Variants in ZNF469 observed in about 807,000 individuals in gnomAD.
ZNF469 encodes the protein zinc finger protein 469.
A neutral mutation model predicts 1.0 loss-of-function variants in ZNF469; 1 was observed. That is an observed-to-expected ratio of 1.00 (90% CI 0.35 to 4.73). The LOEUF is 4.73. Among genes scored for constraint, ZNF469 ranks in the 30% most tolerant of loss-of-function variants. The pLI is 0.16. For synonymous variants in ZNF469, 2,703 were observed against 2,363.4 expected, an observed-to-expected ratio of 1.14 and a Z score of -4.17; for missense variants, 6,100 against 5,356.3, an observed-to-expected ratio of 1.14 and a Z score of -4.33.
chr16:88,313,430 T>A, the ZNF469 span, among the ~76,000 whole-genome samples: 1 of 152,258 alleles, frequency 6.6e-6, no homozygotes, highest in Non-Finnish European at 1.5e-5. Context: ...AAATGTTCAA[T>A]CCTAGTGAAT....
At chr16:88,265,080 C>A in the ZNF469 span, among the ~76,000 whole-genome samples, 1 of 151,982 alleles carries the variant, frequency 6.6e-6, no homozygotes, top group African/African-American at 2.4e-5. Flanking sequence ...CAGGTTTCGG[C>A]AGCTGCCACT....
At chr16:88,368,731 G>A in the ZNF469 span, among the ~76,000 whole-genome samples, 2 of 151,872 alleles carry the variant, frequency 1.3e-5, no homozygotes, top group Non-Finnish European at 2.9e-5. Flanking sequence ...CTGTGGCCTG[G>A]GAAAGTGTGG....
the ZNF469 span, among the ~76,000 whole-genome samples, chr16:88,350,312 A>G: frequency 1.3e-5 from 2 of 152,210 alleles, no homozygotes; most frequent in Non-Finnish European, 2.9e-5. Context: ...TGATCCACGC[A>G]GGGACCTGGA....
the ZNF469 span, among the ~76,000 whole-genome samples, chr16:88,144,351 C>T: frequency 7.2e-5 from 11 of 152,212 alleles, no homozygotes; most frequent in Non-Finnish European, 1.6e-4. Context: ...TAAAACAGGA[C>T]TCTGCCTGGC....
At position 88,431,813 on chromosome 16, in the gene ZNF469, C is replaced by CACT. The variant is rs1906205955; in HGVS notation, c.4343_4344insACT (p.Pro1448_Thr1449insLeu). On this transcript the variant is annotated inframe_insertion, in exon 3 of 3. Coordinates refer to ENST00000565624, the MANE Select transcript of ZNF469 (RefSeq NM_001367624.2). ...GAGCCAGGCAGGGCTGCATCGCCAC[C>CACT]GACCTTGGAGTCCTCATCCCTCTTC... 1 of 1,549,638 alleles carries CACT rather than the reference C, an allele frequency of 6.5e-7. No individual in the cohort carries two copies. The highest frequency in any genetic ancestry group is 8.7e-7 in the Non-Finnish European group (1 of 1,146,974).
At chr16:88,267,988 C>A in the ZNF469 span, among the ~76,000 whole-genome samples, 1 of 151,184 alleles carries the variant, frequency 6.6e-6, no homozygotes, top group African/African-American at 2.5e-5. Context: ...ACATTCTTAC[C>A]GGCTCCTGCC....
intron 1 of ZNF469, among the ~76,000 whole-genome samples, chr16:88,396,607 TCTGAAGGGAGGCCGGGAGGAGACCCTC>T (rs1567500049): frequency 1.8e-4 from 13 of 72,426 alleles, no homozygotes; most frequent in East Asian, 9.8e-4. Context: ...CGGAGACCCA[TCTGAAGGGAGGCCGGGAGGAGACCCTC>T]CTGAAGGGAG....
chr16:88,426,924 T>C (rs1200633490), intron 2 of ZNF469, among the ~76,000 whole-genome samples: 1 of 152,126 alleles, frequency 6.6e-6, no homozygotes, highest in African/African-American at 2.4e-5. Flanking sequence ...TGGGCCCTCC[T>C]GGACGCTGCC....
rs1375611455 is a variant in ZNF469, at chr16:88,439,283, A to G, written c.11813A>G (p.Gln3938Arg). 2 of 1,550,458 alleles carry G rather than the reference A, an allele frequency of 1.3e-6. No individual in the cohort carries two copies. The highest frequency in any genetic ancestry group is 2.4e-5 in the South Asian group (2 of 84,066). ...GACCTCCTCAGCCAGCTCTTCGGGC[A>G]GAGACTAACTGGCTTCAAAATCCCT... ...QSDLLSQLFG[Q>R]RLTGFKIPLK... Residue 3938 changes from glutamine to arginine, a missense_variant, in exon 3 of 3, where the codon CAG becomes CGG. By Grantham distance (43) the Gln-to-Arg change is conservative. Coordinates refer to ENST00000565624, the MANE Select transcript of ZNF469 (RefSeq NM_001367624.2).
At chr16:88,144,031 G>T in the ZNF469 span, among the ~76,000 whole-genome samples, 1 of 152,244 alleles carries the variant, frequency 6.6e-6, no homozygotes, top group Non-Finnish European at 1.5e-5. Flanking sequence ...GGGAAACGGC[G>T]CAGGGTCAGA....
At chr16:88,239,707 A>T in the ZNF469 span, among the ~76,000 whole-genome samples, 13 of 5,396 alleles carry the variant, frequency 2.4e-3, 1 homozygote, top group African/African-American at 0.015. Flanking sequence ...ATATATATAT[A>T]TATATATATT....
At chr16:88,395,834 C>G (rs1027021813) in intron 1 of ZNF469, among the ~76,000 whole-genome samples, 2 of 152,204 alleles carry the variant, frequency 1.3e-5, no homozygotes, top group African/African-American at 4.8e-5. Flanking sequence ...TGACAGGCAT[C>G]AGGCCGCACG....
chr16:88,146,888 G>T, the ZNF469 span, among the ~76,000 whole-genome samples: 1 of 152,024 alleles, frequency 6.6e-6, no homozygotes, highest in African/African-American at 2.4e-5. Context: ...GAGCACGCTG[G>T]AAGAGAGGGC....
At chr16:88,237,087 C>T in the ZNF469 span, among the ~76,000 whole-genome samples, 5 of 150,040 alleles carry the variant, frequency 3.3e-5, no homozygotes, top group South Asian at 6.4e-4. Context: ...TCATGGCACA[C>T]GATCCCCATT....
At chr16:88,156,419 G>A in the ZNF469 span, among the ~76,000 whole-genome samples, 1 of 152,162 alleles carries the variant, frequency 6.6e-6, no homozygotes, top group Admixed American at 6.5e-5. Flanking sequence ...TATGGTGTGA[G>A]GTAGGGGTTC....
At chr16:88,409,984 C>T (rs1905106375) in intron 1 of ZNF469, among the ~76,000 whole-genome samples, 1 of 151,734 alleles carries the variant, frequency 6.6e-6, no homozygotes, top group Non-Finnish European at 1.5e-5. Context: ...CGCAGCAGAG[C>T]CCAGGAAGGG....
the ZNF469 span, among the ~76,000 whole-genome samples, chr16:88,154,439 T>G: frequency 2.6e-5 from 4 of 152,350 alleles, no homozygotes; most frequent in Admixed American, 1.3e-4. Flanking sequence ...GTGCTGGGAT[T>G]ACAGGTGTGA....
the ZNF469 span, among the ~76,000 whole-genome samples, chr16:88,321,632 T>G: frequency 1.3e-5 from 2 of 152,072 alleles, no homozygotes; most frequent in African/African-American, 4.8e-5. Flanking sequence ...ATGTAAGACC[T>G]CATCTGATTG....
chr16:88,438,177 C>G lies in ZNF469; in HGVS notation c.10707C>G (p.Cys3569Trp). The change falls in exon 3 of 3, where the codon TGC becomes TGG. Residue 3569 changes from cysteine (C) to tryptophan (W), a missense_variant. By Grantham distance (215) the Cys-to-Trp change is radical. Transcript: ENST00000565624. ...PAALADGRGD[C>W]ALDGALERPE... ...CCTTGGCTGATGGCAGAGGAGACTG[C>G]GCGCTGGACGGAGCCCTGGAGAGGC... The G allele has an allele frequency of 6.5e-7, 1 of 1,549,072 alleles. No individual in the cohort carries two copies. The highest frequency in any genetic ancestry group is 8.7e-7 in the Non-Finnish European group (1 of 1,146,162).
Sources: gnomAD v4.1 joint callset for allele counts (sites outside exome capture counted in the v4.1 genomes callset) on GRCh38, gnomAD v4.1.1 for gene constraint, MANE v1.5 for transcripts, NCBI Gene and HGNC (gene_info 2026-07-23, HGNC 2026-07-21) for gene names.